Variants in TJAP1 observed in about 807,000 individuals in gnomAD.
TJAP1 encodes the protein tight junction-associated protein 1.
A neutral mutation model predicts 42.0 loss-of-function variants in TJAP1; 27 were observed. The observed-to-expected ratio is 0.64, with a 90% CI of 0.47 to 0.89. The LOEUF (loss-of-function observed/expected upper bound fraction) is 0.89. Among genes scored for constraint, TJAP1 ranks in the 40% least tolerant of loss-of-function variants. The pLI is 0.00. For synonymous variants in TJAP1, 257 were observed against 288.4 expected (o/e 0.89, Z 1.10); for missense variants, 712 against 726.9 (o/e 0.98, Z 0.24).
intron 2 of TJAP1, among the ~76,000 whole-genome samples, chr6:43,487,885 T>C (rs1409920491): frequency 1.3e-5 from 2 of 151,830 alleles, no homozygotes; most frequent in Non-Finnish European, 2.9e-5. Context: ...TTTTTTTTTT[T>C]TGAGATGGAG....
intron 6 of TJAP1, 49 bp downstream of exon 6, chr6:43,501,736 ACACACACACACACACACACACACTCT>A (rs778953309): frequency 8.7e-6 from 6 of 691,760 alleles, no homozygotes; most frequent in Middle Eastern, 3.7e-4. Context: ...ACACACACAC[ACACACACACACACACACACACACTCT>A]CTCTGTCTCT....
chr6:43,478,201 T>G (rs1784606504), exon 2 of TJAP1: 1 of 152,156 alleles, frequency 6.6e-6, no homozygotes, highest in Non-Finnish European at 1.5e-5. Context: ...GAAGAAGAGA[T>G]AGCGACTTGC....
chr6:43,506,483 GTTACTC>G (rs1792390608), exon 11 of TJAP1: 1 of 152,812 alleles, frequency 6.5e-6, no homozygotes, highest in African/African-American at 2.4e-5. Flanking sequence ...GCTCTAGACT[GTTACTC>G]TTAAGCTTTG....
chr6:43,487,094 G>C (rs1161351364), intron 2 of TJAP1, among the ~76,000 whole-genome samples: 1 of 152,194 alleles, frequency 6.6e-6, no homozygotes, highest in East Asian at 1.9e-4. Context: ...GACTGGTCCT[G>C]AGTAGAAGGG....
intron 3 of TJAP1, 90 bp from the exon 4 acceptor site, chr6:43,498,888 A>G (rs1388666151): frequency 2.8e-6 from 4 of 1,413,534 alleles, no homozygotes; most frequent in Admixed American, 4.1e-5. Context: ...TGGCCTCAAC[A>G]TATGTCCCCT....
chr6:43,493,703 G>T (rs1007615714), intron 2 of TJAP1, among the ~76,000 whole-genome samples: 1 of 152,106 alleles, frequency 6.6e-6, no homozygotes, highest in Non-Finnish European at 1.5e-5. Flanking sequence ...TTTGGCTCTT[G>T]GGCTGGAAAC....
intron 2 of TJAP1, among the ~76,000 whole-genome samples, chr6:43,483,261 T>C (rs1785690084): frequency 6.6e-6 from 1 of 152,258 alleles, no homozygotes; most frequent in South Asian, 2.1e-4. Flanking sequence ...CCTGAGTTGC[T>C]GCTATTCCAC....
At chr6:43,497,331 T>C (rs995385915) in intron 2 of TJAP1, 2 of 152,300 alleles carry the variant, frequency 1.3e-5, no homozygotes, top group African/African-American at 4.8e-5. Context: ...CTGCTCTGTG[T>C]TGCTCCCTTT....
chr6:43,482,738 C>T (rs1039711065), intron 2 of TJAP1, among the ~76,000 whole-genome samples: 9 of 152,090 alleles, frequency 5.9e-5, no homozygotes, highest in Non-Finnish European at 8.8e-5. Flanking sequence ...TTTATGATGC[C>T]GTGGTGCATG....
At chr6:43,496,781 T>G (rs1459769803) in intron 2 of TJAP1, among the ~76,000 whole-genome samples, 1 of 152,234 alleles carries the variant, frequency 6.6e-6, no homozygotes, top group Non-Finnish European at 1.5e-5. Context: ...GGGAAGAGAT[T>G]GTTTTTTCTG....
rs1787854141 is a variant in TJAP1, at chr6:43,491,616, C to T, written c.-121-6265C>T. ...GATGAGAAATATCTTGATGAAAATGCACTACGTCCAATAAATGAATATATG... is the reference window on the plus strand; with the variant it reads ...GATGAGAAATATCTTGATGAAAATGTACTACGTCCAATAAATGAATATATG... On this transcript the variant is annotated intron_variant, in intron 2 of 10. Transcript: ENST00000372449. The surrounding 1 kb of genome is among the most constrained non-coding windows in gnomAD (Gnocchi z 4.6). Among the ~76,000 whole-genome samples the T allele has an allele frequency of 6.6e-6, 1 of 152,090 alleles. No homozygotes were observed. Among genetic ancestry groups the T allele is most frequent in the African/African-American group, 2.4e-5 (1 of 41,396 alleles).
At chr6:43,485,158 G>C (rs1786181850) in intron 2 of TJAP1, among the ~76,000 whole-genome samples, 1 of 152,266 alleles carries the variant, frequency 6.6e-6, no homozygotes, top group Admixed American at 6.5e-5. Context: ...GCTGCTCACA[G>C]TGGATGACTG....
In TJAP1 at chr6:43,491,621, C is replaced by T. The variant is rs1441849225; in HGVS notation, c.-121-6260C>T. Among the ~76,000 whole-genome samples the T allele has an allele frequency of 2.0e-5, 3 of 152,046 alleles. No individual in the cohort carries two copies. Among genetic ancestry groups the T allele is most frequent in the Non-Finnish European group, 4.4e-5 (3 of 68,024 alleles). On this transcript the variant is annotated intron_variant, in intron 2 of 10. Coordinates refer to ENST00000372449, the Ensembl canonical transcript of TJAP1. The surrounding 1 kb of genome is among the most constrained non-coding windows in gnomAD (Gnocchi z 4.6). ...GAAATATCTTGATGAAAATGCACTA[C>T]GTCCAATAAATGAATATATGTACTA... is the stretch of plus-strand genomic sequence containing the variant.
At chr6:43,500,822 T>A in intron 5 of TJAP1, 50 bp downstream of exon 5, 5 of 1,606,156 alleles carry the variant, frequency 3.1e-6, no homozygotes, top group Non-Finnish European at 4.3e-6. Context: ...CTGTCCCTCT[T>A]AGCTCCAGGC....
chr6:43,478,188 AAAG>A (rs1425801539), exon 2 of TJAP1: 4 of 152,184 alleles, frequency 2.6e-5, no homozygotes, highest in Admixed American at 2.0e-4. Context: ...GCCTACTTGG[AAAG>A]AAGAAGAGAT....
exon 2 of TJAP1, chr6:43,478,222 C>A (rs1784609426): frequency 6.6e-6 from 1 of 152,288 alleles, no homozygotes; most frequent in African/African-American, 2.4e-5. Context: ...CCCAGTCCAA[C>A]CCCAGAGCGG....
At chr6:43,488,125 G>C (rs1004216022) in intron 2 of TJAP1, among the ~76,000 whole-genome samples, 1 of 152,196 alleles carries the variant, frequency 6.6e-6, no homozygotes, top group African/African-American at 2.4e-5. Context: ...GCCTGCCTCA[G>C]CTTCCCAAAG....
At position 43,498,821 on chromosome 6, in the gene TJAP1, C is replaced by G. The variant is rs139948869; in HGVS notation, c.-24-157C>G. 758 of 684,972 alleles carry G rather than the reference C, an allele frequency of 1.1e-3. 1 individual carries two copies. Among genetic ancestry groups the G allele is most frequent in the Admixed American group, 2.2e-3 (80 of 36,450 alleles). 42.4% of individuals were successfully genotyped at this position (684,972 alleles called of 1,614,324 possible). ...CTTTGACCTATGGGGACTGACACAC[C>G]TAAGTCCTGCCCCTCTAGTGACTCC... On this transcript the variant is annotated intron_variant, in intron 3 of 10. Coordinates refer to ENST00000372449, the Ensembl canonical transcript of TJAP1.
At chr6:43,503,691 C>A in exon 10 of TJAP1, 1 of 1,614,132 alleles carries the variant, frequency 6.2e-7, no homozygotes, top group Non-Finnish European at 8.5e-7. Context: ...ACTTCCGAAA[C>A]CACAAGTTTG....
Sources: allele counts gnomAD v4.1 joint callset (sites outside exome capture counted in the v4.1 genomes callset), GRCh38; gene constraint gnomAD v4.1.1; non-coding constraint Gnocchi (gnomAD v3.1); transcripts MANE v1.5; gene names NCBI Gene and HGNC (gene_info 2026-07-23, HGNC 2026-07-21).